Variants in KAT2B observed in about 807,000 individuals in gnomAD.
KAT2B encodes the protein histone acetyltransferase KAT2B.
In KAT2B, 36 loss-of-function variants were observed where a neutral mutation model predicts 105.9. The ratio of observed to expected loss-of-function variants is 0.34; its 90% CI spans 0.26 to 0.45. The LOEUF is 0.45. Among genes scored for constraint, KAT2B ranks in the 20% least tolerant of loss-of-function variants. KAT2B has a pLI of 1.00. For synonymous variants in KAT2B, 397 were observed against 377.9 expected (o/e 1.05, Z -0.59); for missense variants, 820 against 1,021.6 (o/e 0.80, Z 2.69).
At chr3:20,095,151 G>T (rs1314482207) in intron 2 of KAT2B, 112 bp from the exon 3 acceptor site, 53 of 808,560 alleles carry the variant, frequency 6.6e-5, no homozygotes, top group Non-Finnish European at 9.4e-5. Context: ...TATTACCAGT[G>T]AACTTAAAGG....
intron 8 of KAT2B, among the ~76,000 whole-genome samples, chr3:20,122,399 G>T (rs1053813084): frequency 2.6e-5 from 4 of 152,186 alleles, no homozygotes; most frequent in African/African-American, 9.6e-5. Flanking sequence ...CTTTGCATTT[G>T]CAGATGAAGG....
In KAT2B at chr3:20,122,760, G is replaced by C. The variant is rs553434368; in HGVS notation, c.1369G>C (p.Val457Leu). Residue 457 changes from valine to leucine, a missense_variant, in exon 9 of 18, where the codon GTT (valine) becomes CTT (leucine). By Grantham distance (32) the Val-to-Leu change is conservative (BLOSUM62 1). Transcript: ENST00000263754. The stretch of plus-strand genomic sequence containing the variant: ...TATTCCGATGGAATTAATCAACGAG[G>C]TTATGTCTACCATCACGGACCCTGC... The part of the protein sequence containing the change: ...GDIPMELINE[V>L]MSTITDPAAM... The C allele has an allele frequency of 1.9e-6, 3 of 1,614,082 alleles. No homozygotes were observed. The highest frequency in any genetic ancestry group is 8.5e-7 in the Non-Finnish European group (1 of 1,179,954).
intron 1 of KAT2B, among the ~76,000 whole-genome samples, chr3:20,049,164 A>G (rs1416890507): frequency 6.6e-6 from 1 of 152,116 alleles, no homozygotes. Context: ...CTGGCCGGGC[A>G]TCGCCTTAAC....
At chr3:20,115,098 C>T in intron 7 of KAT2B, 110 bp downstream of exon 7, 1 of 672,470 alleles carries the variant, frequency 1.5e-6, no homozygotes, top group Non-Finnish European at 2.6e-6. Flanking sequence ...GAGCTTAGCT[C>T]TATAGTCAAA....
chr3:20,082,115 G>A, intron 2 of KAT2B, among the ~76,000 whole-genome samples: 1 of 151,890 alleles, frequency 6.6e-6, no homozygotes, highest in East Asian at 1.9e-4. Flanking sequence ...GCTTACTGCA[G>A]CCTCCACCTC....
chr3:20,086,100 A>G (rs553955299), intron 2 of KAT2B, among the ~76,000 whole-genome samples: 6 of 151,808 alleles, frequency 4.0e-5, no homozygotes, highest in Admixed American at 6.5e-5. Context: ...GTGAAACCCC[A>G]TCTCTACATA....
Position 20,148,301 on chromosome 3 carries a change from G to A in KAT2B, c.2215G>A (p.Val739Met). The A allele has an allele frequency of 1.2e-6, 2 of 1,613,852 alleles. No homozygotes were observed. The highest frequency in any genetic ancestry group is 1.7e-6 in the Non-Finnish European group (2 of 1,179,752). ...YSTLKSILQQVKSHQSAWPFM... is the reference protein window; with the variant it reads ...YSTLKSILQQMKSHQSAWPFM... ...CACGCTCAAGAGCATCCTCCAGCAGGTGAAGGTGGGTGTCCTCTTTATTCA... is the reference window on the plus strand; with the variant it reads ...CACGCTCAAGAGCATCCTCCAGCAGATGAAGGTGGGTGTCCTCTTTATTCA... Residue 739 changes from valine (V) to methionine (M), a missense_variant, in exon 16 of 18, where the codon GTG becomes ATG. Val to Met is a conservative substitution (Grantham distance 21, BLOSUM62 1). Coordinates refer to ENST00000263754, the MANE Select transcript of KAT2B (RefSeq NM_003884.5).
intron 5 of KAT2B, among the ~76,000 whole-genome samples, chr3:20,104,428 A>G (rs1282155842): frequency 1.3e-5 from 2 of 152,152 alleles, no homozygotes; most frequent in Non-Finnish European, 2.9e-5. Context: ...AACCTGTGAA[A>G]ATTAGGAGAA....
At chr3:20,106,044 G>C (rs972468962) in intron 5 of KAT2B, among the ~76,000 whole-genome samples, 1 of 152,066 alleles carries the variant, frequency 6.6e-6, no homozygotes, top group Non-Finnish European at 1.5e-5. Flanking sequence ...AAGTAACTGG[G>C]CCTCAGTCCC....
intron 6 of KAT2B, 141 bp from the exon 7 acceptor site, chr3:20,114,741 A>G: frequency 1.7e-6 from 1 of 590,716 alleles, no homozygotes; most frequent in Non-Finnish European, 3.0e-6. Flanking sequence ...CAACTAAATC[A>G]TAATTTGAGT....
Position 20,153,690 on chromosome 3 carries a change from C to G in KAT2B, c.*1165C>G, listed in dbSNP as rs1265839035. On this transcript the variant is annotated 3_prime_UTR_variant, in exon 18 of 18. Transcript: ENST00000263754. ...TACACTACATAGAAAAGTGAGACAT[C>G]TGCCATTCCCAACTCTGGGAAAACC... 1.3e-5 allele frequency: 2 copies of G among 152,570 alleles called. No homozygotes were observed. The highest frequency in any genetic ancestry group is 6.5e-5 in the Admixed American group (1 of 15,274). 9.5% of individuals were successfully genotyped at this position (152,570 alleles called of 1,614,324 possible). A position where few individuals can be genotyped will look rare whatever the true frequency, so the allele number is the denominator to read the frequency against.
chr3:20,083,817 G>T (rs894590572), intron 2 of KAT2B, among the ~76,000 whole-genome samples: 1 of 152,192 alleles, frequency 6.6e-6, no homozygotes, highest in Non-Finnish European at 1.5e-5. Flanking sequence ...TGATGGGCTT[G>T]TTGGCAGAAA....
intron 1 of KAT2B, among the ~76,000 whole-genome samples, chr3:20,069,329 C>A (rs1476492398): frequency 6.6e-6 from 1 of 151,996 alleles, no homozygotes; most frequent in Non-Finnish European, 1.5e-5. Context: ...AATGGTAGAT[C>A]AGGGCTGGTT....
At chr3:20,051,749 G>C (rs1697919463) in intron 1 of KAT2B, among the ~76,000 whole-genome samples, 1 of 152,222 alleles carries the variant, frequency 6.6e-6, no homozygotes, top group Admixed American at 6.5e-5. Context: ...TCCCTGAAAA[G>C]TAGTATTGAA....
At chr3:20,113,885 T>G (rs555188946) in intron 6 of KAT2B, among the ~76,000 whole-genome samples, 1 of 152,284 alleles carries the variant, frequency 6.6e-6, no homozygotes, top group East Asian at 1.9e-4. Context: ...GTTTTTGTTT[T>G]TAAGTTGTGT....
At chr3:20,107,384 G>A (rs1464503086) in intron 5 of KAT2B, among the ~76,000 whole-genome samples, 1 of 151,502 alleles carries the variant, frequency 6.6e-6, no homozygotes. Context: ...TCAGCTGGGA[G>A]CGGTGGCCCA....
chr3:20,050,998 C>G (rs1165009636), intron 1 of KAT2B, among the ~76,000 whole-genome samples: 1 of 151,884 alleles, frequency 6.6e-6, no homozygotes, highest in Non-Finnish European at 1.5e-5. Flanking sequence ...GCCAAGAAAT[C>G]AAGACCAGCC....
chr3:20,145,914 A>G (rs542091239), intron 13 of KAT2B, among the ~76,000 whole-genome samples: 1 of 152,246 alleles, frequency 6.6e-6, no homozygotes, highest in East Asian at 1.9e-4. Context: ...AACAGTTCCT[A>G]GTTATGGGAA....
intron 3 of KAT2B, among the ~76,000 whole-genome samples, chr3:20,097,471 A>T (rs947757403): frequency 1.3e-5 from 2 of 152,214 alleles, no homozygotes; most frequent in East Asian, 1.9e-4. Flanking sequence ...GTTATAAATA[A>T]TCTATTCCTT....
Sources: gnomAD v4.1 joint callset for allele counts (sites outside exome capture counted in the v4.1 genomes callset) on GRCh38, gnomAD v4.1.1 for gene constraint, MANE v1.5 for transcripts, NCBI Gene and HGNC (gene_info 2026-07-23, HGNC 2026-07-21) for gene names.